Variants in GPM6A observed in about 807,000 individuals in gnomAD.
GPM6A encodes neuronal membrane glycoprotein M6-a.
GPM6A carries 7 observed loss-of-function variants against 32.1 expected under a neutral mutation model. The ratio of observed to expected loss-of-function variants is 0.22; its 90% CI spans 0.12 to 0.41. The LOEUF is 0.41. Among genes scored for constraint, GPM6A ranks in the 10% least tolerant of loss-of-function variants. The pLI is 1.00. For missense variants in GPM6A, 235 were observed against 347.2 expected, an observed-to-expected ratio of 0.68 and a Z score of 2.57; for synonymous variants, 130 against 123.4, an observed-to-expected ratio of 1.05 and a Z score of -0.35.
intron 1 of GPM6A, among the ~76,000 whole-genome samples, chr4:175,857,137 T>C (rs1011555196): frequency 1.3e-5 from 2 of 152,224 alleles, no homozygotes; most frequent in African/African-American, 4.8e-5. Context: ...AATTTTTCTA[T>C]AAACTTAAAG....
intron 6 of GPM6A, among the ~76,000 whole-genome samples, chr4:175,639,197 A>C (rs1200122284): frequency 6.6e-6 from 1 of 152,194 alleles, no homozygotes; most frequent in African/African-American, 2.4e-5. Context: ...AATATTTATG[A>C]AATCAGTAAA....
At chr4:175,912,725 C>A (rs917669971) in intron 1 of GPM6A, among the ~76,000 whole-genome samples, 3 of 152,158 alleles carry the variant, frequency 2.0e-5, no homozygotes, top group Middle Eastern at 3.4e-3. Flanking sequence ...TATTGTCTAC[C>A]TGGAAATTCA....
At chr4:175,985,083 C>G (rs1228532778) in intron 1 of GPM6A, among the ~76,000 whole-genome samples, 5 of 152,166 alleles carry the variant, frequency 3.3e-5, no homozygotes, top group Non-Finnish European at 7.4e-5. Flanking sequence ...ATTTATAGAA[C>G]ATCTCTTTTC....
intron 1 of GPM6A, among the ~76,000 whole-genome samples, chr4:175,907,524 T>C (rs1738168238): frequency 6.6e-6 from 1 of 152,120 alleles, no homozygotes; most frequent in Non-Finnish European, 1.5e-5. Context: ...AAACTGTGGA[T>C]AGGAGTTGAG....
At chr4:175,739,591 T>C (rs991216514) in intron 1 of GPM6A, among the ~76,000 whole-genome samples, 3 of 152,176 alleles carry the variant, frequency 2.0e-5, no homozygotes, top group African/African-American at 7.2e-5. Context: ...ATTGGTAGAA[T>C]GGCTAAGCTG....
chr4:175,806,680 C>G (rs1734709039), intron 1 of GPM6A, among the ~76,000 whole-genome samples: 1 of 152,154 alleles, frequency 6.6e-6, no homozygotes, highest in African/African-American at 2.4e-5. Context: ...AAAAATATAA[C>G]TAATTTTCCC....
chr4:175,963,604 G>T (rs1469851538), intron 1 of GPM6A, among the ~76,000 whole-genome samples: 1 of 152,080 alleles, frequency 6.6e-6, no homozygotes, highest in South Asian at 2.1e-4. Context: ...GGATGTTTGT[G>T]CTGGTAGACG....
At chr4:175,916,650 G>GT (rs1560992618) in intron 1 of GPM6A, among the ~76,000 whole-genome samples, 1 of 152,130 alleles carries the variant, frequency 6.6e-6, no homozygotes. Flanking sequence ...GGCCTGAAGA[G>GT]TGTATACATT....
At chr4:175,998,648 G>C (rs749938506) in intron 1 of GPM6A, among the ~76,000 whole-genome samples, 1 of 152,046 alleles carries the variant, frequency 6.6e-6, no homozygotes, top group Non-Finnish European at 1.5e-5. Flanking sequence ...TAATTTTATA[G>C]ATTTTTCACT....
intron 1 of GPM6A, among the ~76,000 whole-genome samples, chr4:175,898,709 G>T (rs1737867188): frequency 6.6e-6 from 1 of 152,090 alleles, no homozygotes; most frequent in Non-Finnish European, 1.5e-5. Context: ...CTAAATGAAA[G>T]ACTAAATACT....
intron 1 of GPM6A, among the ~76,000 whole-genome samples, chr4:175,855,086 A>G (rs1560966406): frequency 1.3e-5 from 2 of 152,192 alleles, no homozygotes; most frequent in Non-Finnish European, 2.9e-5. Context: ...ATATCCAAGT[A>G]ATTAACTGCA....
At chr4:175,756,626 G>A (rs992647319) in intron 1 of GPM6A, among the ~76,000 whole-genome samples, 9 of 152,076 alleles carry the variant, frequency 5.9e-5, no homozygotes, top group East Asian at 1.9e-4. Flanking sequence ...TCACTGGGAC[G>A]TAAAAGCAGA....
At chr4:175,894,890 T>C (rs1479433888) in intron 1 of GPM6A, among the ~76,000 whole-genome samples, 2 of 152,194 alleles carry the variant, frequency 1.3e-5, no homozygotes, top group South Asian at 2.1e-4. Flanking sequence ...ATCTACTAAG[T>C]GGCAGGTCCA....
intron 1 of GPM6A, among the ~76,000 whole-genome samples, chr4:175,750,586 T>C (rs1483196205): frequency 7.1e-6 from 1 of 140,814 alleles, no homozygotes; most frequent in Non-Finnish European, 1.6e-5. Context: ...TAGCTTCCTT[T>C]TTTTTGACAG....
intron 1 of GPM6A, among the ~76,000 whole-genome samples, chr4:175,705,262 C>T (rs1745109739): frequency 6.6e-6 from 1 of 152,158 alleles, no homozygotes; most frequent in Admixed American, 6.5e-5. Flanking sequence ...TCTATGTAAA[C>T]AGTATTATTT....
chr4:175,672,985 T>C (rs920205324), intron 3 of GPM6A, among the ~76,000 whole-genome samples: 2 of 152,200 alleles, frequency 1.3e-5, no homozygotes, highest in Non-Finnish European at 2.9e-5. Context: ...AATTATATGC[T>C]ATAATTAGAC....
chr4:175,931,709 C>CACACACACATATAT (rs1324269132), intron 1 of GPM6A, among the ~76,000 whole-genome samples: 31 of 129,324 alleles, frequency 2.4e-4, no homozygotes, highest in African/African-American at 8.0e-4. Context: ...CACACACACA[C>CACACACACATATAT]ATATATATAT....
chr4:175,969,747 T>C (rs971023602), intron 1 of GPM6A, among the ~76,000 whole-genome samples: 1 of 152,056 alleles, frequency 6.6e-6, no homozygotes. Flanking sequence ...TATATCAACA[T>C]TGACTGATCA....
At chr4:175,881,807 C>T (rs1001684823) in intron 1 of GPM6A, among the ~76,000 whole-genome samples, 1 of 151,320 alleles carries the variant, frequency 6.6e-6, no homozygotes, top group Non-Finnish European at 1.5e-5. Context: ...CACTTGGACA[C>T]AGGAAGGGGA....
Sources: gnomAD v4.1 joint callset for allele counts (sites outside exome capture counted in the v4.1 genomes callset) on GRCh38, gnomAD v4.1.1 for gene constraint, MANE v1.5 for transcripts, NCBI Gene and HGNC (gene_info 2026-07-23, HGNC 2026-07-21) for gene names.